Variants in SERGEF observed in about 807,000 individuals in gnomAD.
SERGEF encodes secretion regulating guanine nucleotide exchange factor.
In SERGEF, 51 loss-of-function variants were observed where a neutral mutation model predicts 50.0. That is an observed-to-expected ratio of 1.02 (90% CI 0.81 to 1.29). The LOEUF (loss-of-function observed/expected upper bound fraction) is 1.29, where lower values mean the gene tolerates loss of function less well. Ranked by LOEUF, SERGEF falls within the 50% of genes most tolerant of loss-of-function variation. The pLI, the probability that SERGEF is intolerant of heterozygous loss-of-function variation, is 0.00. For synonymous variants in SERGEF, 205 were observed against 212.4 expected, an observed-to-expected ratio of 0.97 and a Z score of 0.30; for missense variants, 521 against 557.0, an observed-to-expected ratio of 0.94 and a Z score of 0.65.
intron 9 of SERGEF, among the ~76,000 whole-genome samples, chr11:17,894,151 C>G (rs1344157359): frequency 1.3e-5 from 2 of 152,112 alleles, no homozygotes; most frequent in South Asian, 4.1e-4. Context: ...TAAAATTACC[C>G]ACAAGTACTT....
intron 9 of SERGEF, among the ~76,000 whole-genome samples, chr11:17,905,283 C>G (rs1851817245): frequency 6.6e-6 from 1 of 152,162 alleles, no homozygotes; most frequent in Admixed American, 6.5e-5. Context: ...AAGCAAATTT[C>G]AATAAATTGA....
chr11:17,940,832 G>C (rs1159536803), intron 9 of SERGEF, among the ~76,000 whole-genome samples: 1 of 152,124 alleles, frequency 6.6e-6, no homozygotes, highest in African/African-American at 2.4e-5. Flanking sequence ...ACCGCCCAAG[G>C]TCAGACCACC....
intron 6 of SERGEF, 123 bp from the exon 7 acceptor site, chr11:17,993,116 T>G (rs1590238672): frequency 1.4e-6 from 1 of 699,604 alleles, no homozygotes; most frequent in South Asian, 1.7e-5. Flanking sequence ...CAGGCCTGAG[T>G]CAGCAGCACT....
At chr11:17,927,237 ACTTCCC>A (rs1405631634) in intron 9 of SERGEF, among the ~76,000 whole-genome samples, 1 of 152,086 alleles carries the variant, frequency 6.6e-6, no homozygotes, top group Non-Finnish European at 1.5e-5. Context: ...GGCACCACCC[ACTTCCC>A]CTTGTCCAGT....
intron 9 of SERGEF, among the ~76,000 whole-genome samples, chr11:17,882,212 T>A (rs1174540218): frequency 6.6e-6 from 1 of 152,062 alleles, no homozygotes; most frequent in African/African-American, 2.4e-5. Flanking sequence ...GGCCAGGAGT[T>A]CGAGACCAGC....
chr11:17,972,543 G>C (rs211140), intron 8 of SERGEF, among the ~76,000 whole-genome samples: 97,873 of 152,144 alleles, frequency 0.64, 32,086 homozygotes, highest in African/African-American at 0.78. Context: ...GTTTTATAGA[G>C]ATAATGCTAT....
chr11:17,815,258 A>C (rs1299240603), intron 10 of SERGEF, among the ~76,000 whole-genome samples: 3 of 151,952 alleles, frequency 2.0e-5, no homozygotes, highest in African/African-American at 7.3e-5. Flanking sequence ...CTGTTTCTGG[A>C]TTTAGGGTTT....
chr11:17,928,848 T>C (rs906700337), intron 9 of SERGEF, among the ~76,000 whole-genome samples: 6 of 152,170 alleles, frequency 3.9e-5, no homozygotes, highest in African/African-American at 1.4e-4. Flanking sequence ...AAACAGGCTA[T>C]TCTAACCTTT....
chr11:17,980,661 C>T (rs1204550855), intron 8 of SERGEF, among the ~76,000 whole-genome samples: 2 of 152,142 alleles, frequency 1.3e-5, no homozygotes, highest in African/African-American at 4.8e-5. Flanking sequence ...CGAGCGTATT[C>T]CTGTCATTAA....
chr11:17,984,792 T>G (rs185202674), intron 8 of SERGEF, among the ~76,000 whole-genome samples: 161 of 152,346 alleles, frequency 1.1e-3, no homozygotes, highest in Non-Finnish European at 1.1e-3. Flanking sequence ...TTTCTCTACC[T>G]TGCCATTTAC....
chr11:17,873,749 C>A (rs1399839646), intron 10 of SERGEF, among the ~76,000 whole-genome samples: 2 of 152,064 alleles, frequency 1.3e-5, no homozygotes, highest in Admixed American at 1.3e-4. Context: ...GTCTGGCAAG[C>A]CTGAGTGCTC....
intron 9 of SERGEF, among the ~76,000 whole-genome samples, chr11:17,952,619 A>G (rs1005779427): frequency 6.6e-6 from 1 of 152,154 alleles, no homozygotes; most frequent in Non-Finnish European, 1.5e-5. Context: ...CAAAACAAAC[A>G]GTAACCAATC....
At chr11:17,830,613 AGAGAG>A (rs1850280662) in intron 10 of SERGEF, among the ~76,000 whole-genome samples, 1 of 139,822 alleles carries the variant, frequency 7.2e-6, no homozygotes, top group Admixed American at 7.3e-5. Flanking sequence ...AGAGAGAGAG[AGAGAG>A]AGAGAGAGGG....
chr11:18,005,004 G>A (rs1242062850), intron 3 of SERGEF, among the ~76,000 whole-genome samples: 1 of 152,188 alleles, frequency 6.6e-6, no homozygotes, highest in Non-Finnish European at 1.5e-5. Flanking sequence ...CTGACACATA[G>A]GAAGCATTTC....
intron 9 of SERGEF, among the ~76,000 whole-genome samples, chr11:17,949,838 A>G (rs975889200): frequency 1.3e-5 from 2 of 152,348 alleles, no homozygotes; most frequent in East Asian, 3.9e-4. Context: ...GAAAGTAAGA[A>G]GAGGCATGTT....
At position 17,988,613 on chromosome 11, in the gene SERGEF, G is replaced by T. The variant is rs1330137787; in HGVS notation, c.828C>A (p.His276Gln). ...KVTAIWSGWT[H>Q]LVAQTETGKM... ...CTGTCTCACCTGTCTGAGCAACCAG[G>T]TGTGTCCATCCACTCCAGATGGCAG... Residue 276 changes from histidine to glutamine, a missense_variant, in exon 8 of 11, where the codon CAC (histidine) becomes CAA (glutamine). Physicochemically the swap from His to Gln is conservative, Grantham distance 24. Transcript: ENST00000265965. The T allele has an allele frequency of 9.3e-6, 15 of 1,614,036 alleles. No homozygotes were observed. Among genetic ancestry groups the T allele is most frequent in the Middle Eastern group, 1.7e-4 (1 of 6,012 alleles).
At chr11:17,796,875 T>C (rs1346432831) in intron 10 of SERGEF, among the ~76,000 whole-genome samples, 3 of 152,126 alleles carry the variant, frequency 2.0e-5, no homozygotes, top group Admixed American at 2.0e-4. Context: ...CAGAGAAGGC[T>C]GTATGTGGGA....
At chr11:17,967,023 CAAT>C (rs924483369) in intron 8 of SERGEF, among the ~76,000 whole-genome samples, 1 of 152,170 alleles carries the variant, frequency 6.6e-6, no homozygotes, top group Non-Finnish European at 1.5e-5. Flanking sequence ...GGCACAGCTG[CAAT>C]AATAACAATA....
intron 9 of SERGEF, among the ~76,000 whole-genome samples, chr11:17,911,851 C>G (rs1282853052): frequency 1.3e-5 from 2 of 152,088 alleles, no homozygotes; most frequent in African/African-American, 4.8e-5. Flanking sequence ...AAAGTCCCCT[C>G]GTACAGCCCT....
Sources: allele counts gnomAD v4.1 joint callset (sites outside exome capture counted in the v4.1 genomes callset), GRCh38; gene constraint gnomAD v4.1.1; transcripts MANE v1.5; gene names NCBI Gene and HGNC (gene_info 2026-07-23, HGNC 2026-07-21).